Variants in CDH10 observed in about 807,000 individuals in gnomAD.
The protein encoded by CDH10 is cadherin 10.
A neutral mutation model predicts 73.1 loss-of-function variants in CDH10; 30 were observed. The observed-to-expected ratio is 0.41, with a 90% CI of 0.31 to 0.56. The LOEUF is 0.56. CDH10 is among the 20% of genes least tolerant of loss of function. The probability of loss-of-function intolerance (pLI) is 0.27; values close to 1 mark genes in which losing one functional copy is unlikely to be tolerated. For synonymous variants in CDH10, 345 were observed against 348.2 expected, an observed-to-expected ratio of 0.99 and a Z score of 0.10; for missense variants, 815 against 973.7, an observed-to-expected ratio of 0.84 and a Z score of 2.17.
rs1017675736 is a variant in CDH10, at chr5:24,505,317, T to G, written c.1257-69A>C. On this transcript the variant is annotated intron_variant, in intron 7 of 11. Transcript: ENST00000264463. ...TAGTTTGCAGGAAAAAATAGTGAAA[T>G]GCAAACCCACACATATCACTGATAA... is the stretch of plus-strand genomic sequence containing the variant. 4 of 1,215,934 alleles carry G rather than the reference T, an allele frequency of 3.3e-6. No individual in the cohort carries two copies. The African/African-American group carries it at 6.0e-5, about 18-fold the overall frequency. The allele number at this position is 1,215,934 out of a possible 1,614,324, so 75.3% of individuals were successfully genotyped here. A position where few individuals can be genotyped will look rare whatever the true frequency, so the allele number is the denominator to read the frequency against.
intron 1 of CDH10, among the ~76,000 whole-genome samples, chr5:24,639,687 A>C (rs2112217582): frequency 6.6e-6 from 1 of 151,922 alleles, no homozygotes; most frequent in Middle Eastern, 3.4e-3. Context: ...CTAAACTGGT[A>C]ATACTTGTTT....
chr5:24,623,257 A>G (rs928365194), intron 1 of CDH10, among the ~76,000 whole-genome samples: 1 of 152,166 alleles, frequency 6.6e-6, no homozygotes, highest in Non-Finnish European at 1.5e-5. Context: ...AGTTTTATGT[A>G]ACAGTCTTGA....
chr5:24,563,702 G>A lies in CDH10; in HGVS notation c.232-26028C>T, dbSNP rs570474058. Among the ~76,000 whole-genome samples the A allele has an allele frequency of 3.1e-4, 47 of 150,000 alleles. 1 individual carries two copies. The highest frequency in any genetic ancestry group is 1.1e-3 in the African/African-American group (45 of 40,872). On this transcript the variant is annotated intron_variant, in intron 2 of 11. Coordinates refer to ENST00000264463, the MANE Select transcript of CDH10 (RefSeq NM_006727.5). The stretch of plus-strand genomic sequence containing the variant: ...GGAGAAAGGCCTGAACCTGGGAGGC[G>A]GAGCTTGCAGTGAGCCGAGATCCTG...
At chr5:24,488,629 A>G (rs1213858042) in intron 11 of CDH10, among the ~76,000 whole-genome samples, 2 of 152,254 alleles carry the variant, frequency 1.3e-5, no homozygotes, top group East Asian at 3.9e-4. Context: ...TTCACAACAT[A>G]CTGAGTACTG....
chr5:24,501,859 A>C (rs1462625286), intron 8 of CDH10, among the ~76,000 whole-genome samples: 1 of 152,106 alleles, frequency 6.6e-6, no homozygotes, highest in Non-Finnish European at 1.5e-5. Context: ...TATGCCCTAA[A>C]ATCCCAAGTT....
intron 1 of CDH10, among the ~76,000 whole-genome samples, chr5:24,595,665 G>A (rs928030783): frequency 6.6e-6 from 1 of 151,890 alleles, no homozygotes; most frequent in Non-Finnish European, 1.5e-5. Flanking sequence ...CAAGAGGCAG[G>A]GGAGAGTTTG....
intron 2 of CDH10, among the ~76,000 whole-genome samples, chr5:24,574,294 A>G (rs535147594): frequency 6.6e-6 from 1 of 152,122 alleles, no homozygotes; most frequent in Non-Finnish European, 1.5e-5. Context: ...CTTTTTTCAA[A>G]ATCCATCAGT....
chr5:24,585,573 C>A lies in CDH10; in HGVS notation c.231+7687G>T, dbSNP rs541723264. Among the ~76,000 whole-genome samples, 9 of 152,306 alleles carry A rather than the reference C, an allele frequency of 5.9e-5. No individual in the cohort carries two copies. In the South Asian group the frequency reaches 1.9e-3, roughly 32 times the overall value. On this transcript the variant is annotated intron_variant, in intron 2 of 11. Coordinates refer to ENST00000264463, the MANE Select transcript of CDH10 (RefSeq NM_006727.5). ...AAGTAGCTGGGATTGCAAGCTCCTG[C>A]TACCACGCCCAGCTAATTTTTTGTA...
At chr5:24,553,007 T>C (rs1258598664) in intron 2 of CDH10, among the ~76,000 whole-genome samples, 2 of 152,168 alleles carry the variant, frequency 1.3e-5, no homozygotes, top group Non-Finnish European at 2.9e-5. Flanking sequence ...TTTCCTCTTT[T>C]TTTGTGTTTA....
intron 2 of CDH10, among the ~76,000 whole-genome samples, chr5:24,577,250 C>T (rs13162583): frequency 0.38 from 57,669 of 151,848 alleles, 13,335 homozygotes; most frequent in East Asian, 0.54. Flanking sequence ...CAATGTATAC[C>T]TATTGGCTGA....
chr5:24,601,674 T>C (rs1251696750), intron 1 of CDH10, among the ~76,000 whole-genome samples: 2 of 152,206 alleles, frequency 1.3e-5, no homozygotes, highest in Non-Finnish European at 2.9e-5. Context: ...ATATGTTGAA[T>C]TTTAAGTATA....
chr5:24,636,826 C>CTGCAAGATGATAACTGGCTGT (rs1747882553), intron 1 of CDH10, among the ~76,000 whole-genome samples: 2 of 151,882 alleles, frequency 1.3e-5, no homozygotes, highest in Non-Finnish European at 1.5e-5. Flanking sequence ...TCCCCTGTGT[C>CTGCAAGATGATAACTGGCTGT]TGCAAGATGA....
At chr5:24,640,130 C>T (rs898680545) in intron 1 of CDH10, among the ~76,000 whole-genome samples, 1 of 151,636 alleles carries the variant, frequency 6.6e-6, no homozygotes, top group Non-Finnish European at 1.5e-5. Context: ...TGATAGAATA[C>T]TGGCCATAAA....
At chr5:24,545,819 A>G (rs1269503491) in intron 2 of CDH10, among the ~76,000 whole-genome samples, 3 of 150,256 alleles carry the variant, frequency 2.0e-5, no homozygotes, top group African/African-American at 7.5e-5. Context: ...GTCTTCAAAG[A>G]AAATAAAAAA....
intron 1 of CDH10, among the ~76,000 whole-genome samples, chr5:24,626,953 A>G (rs1013850090): frequency 6.6e-6 from 1 of 151,194 alleles, no homozygotes; most frequent in African/African-American, 2.4e-5. Context: ...CATACTCATA[A>G]AAACAATTTC....
rs770697242 is a variant in CDH10 at position 24,487,710 on chromosome 5, T to C, written c.2320A>G (p.Lys774Glu). 6 of 1,613,560 alleles carry C rather than the reference T, an allele frequency of 3.7e-6. No homozygotes were observed. Among genetic ancestry groups the C allele is most frequent in the Non-Finnish European group, 4.2e-6 (5 of 1,179,724 alleles). Residue 774 changes from lysine (K) to glutamate (E), a missense_variant, in exon 12 of 12, where the codon AAG (lysine) becomes GAG (glutamate). Physicochemically the swap from Lys to Glu is moderately conservative, Grantham distance 56. This residue lies in a region of CDH10 where 241 missense variants were observed against 240.3 expected (regional missense o/e 1.00). Transcript: ENST00000264463. Reference protein sequence around the residue: ...YLREWGPRFNKLAEMYGGGES... With the variant: ...YLREWGPRFNELAEMYGGGES... Reference sequence around the variant, plus strand: ...CCACCACCATACATTTCTGCTAGCTTATTAAACCGAGGGCCCCATTCTCGG... The same window carrying C: ...CCACCACCATACATTTCTGCTAGCTCATTAAACCGAGGGCCCCATTCTCGG...
chr5:24,565,066 T>C (rs1745120385), intron 2 of CDH10, among the ~76,000 whole-genome samples: 1 of 152,202 alleles, frequency 6.6e-6, no homozygotes, highest in Non-Finnish European at 1.5e-5. Context: ...ATGCCTCCTT[T>C]ACCCTAATTT....
intron 5 of CDH10, among the ~76,000 whole-genome samples, chr5:24,530,865 T>C (rs925810054): frequency 2.0e-5 from 3 of 152,110 alleles, no homozygotes; most frequent in East Asian, 3.9e-4. Flanking sequence ...TGTTCACATA[T>C]TTATATACTT....
chr5:24,577,057 C>T lies in CDH10; in HGVS notation c.231+16203G>A, dbSNP rs1745634028. On this transcript the variant is annotated intron_variant, in intron 2 of 11. Coordinates refer to ENST00000264463, the MANE Select transcript of CDH10 (RefSeq NM_006727.5). Reference sequence around the variant, plus strand: ...ATATTCTACAAAACACTCTAGTACACCTCAACGTCAAAGTTATTTAAAAAA... The same window carrying T: ...ATATTCTACAAAACACTCTAGTACATCTCAACGTCAAAGTTATTTAAAAAA... 2.4e-5 allele frequency among the ~76,000 whole-genome samples: 3 copies of T among 127,622 alleles called. No individual in the cohort carries two copies. In the South Asian group the frequency reaches 8.7e-4, roughly 37 times the overall value. The allele number at this position is 127,622 out of a possible 152,430, so 83.7% of individuals were successfully genotyped here.
Sources: allele counts gnomAD v4.1 joint callset (sites outside exome capture counted in the v4.1 genomes callset), GRCh38; gene constraint gnomAD v4.1.1; regional missense constraint gnomAD v4.1.1; transcripts MANE v1.5; gene names NCBI Gene and HGNC (gene_info 2026-07-23, HGNC 2026-07-21).